RYR2: variants seen among roughly 807,000 people sequenced by gnomAD.
RYR2 encodes the protein ryanodine receptor 2.
A neutral mutation model predicts 601.1 loss-of-function variants in RYR2; 227 were observed. The observed-to-expected ratio is 0.38, with a 90% CI of 0.34 to 0.42. The LOEUF is 0.42. RYR2 is among the 10% of genes least tolerant of loss of function. The pLI is 1.00. For missense variants in RYR2, 4,646 were observed against 6,156.5 expected (o/e 0.75, Z 8.21); for synonymous variants, 2,223 against 2,175.1 (o/e 1.02, Z -0.61).
At chr1:237,476,360 AT>A (rs1461383627) in intron 17 of RYR2, among the ~76,000 whole-genome samples, 1 of 152,062 alleles carries the variant, frequency 6.6e-6, no homozygotes, top group African/African-American at 2.4e-5. Flanking sequence ...AATACAAAAA[AT>A]TAGCCAGGCA....
chr1:237,242,556 A>G (rs900105193), intron 1 of RYR2, among the ~76,000 whole-genome samples: 1 of 152,118 alleles, frequency 6.6e-6, no homozygotes, highest in Non-Finnish European at 1.5e-5. Flanking sequence ...CCTAGGAGAA[A>G]TTAGAGAAGA....
At chr1:237,601,179 G>C (rs1676459464) in intron 34 of RYR2, among the ~76,000 whole-genome samples, 1 of 152,110 alleles carries the variant, frequency 6.6e-6, no homozygotes, top group Non-Finnish European at 1.5e-5. Flanking sequence ...TAGGGAATCA[G>C]CCTAAGTGCC....
intron 25 of RYR2, among the ~76,000 whole-genome samples, chr1:237,532,144 A>G (rs1668195757): frequency 6.6e-6 from 1 of 152,100 alleles, no homozygotes; most frequent in Non-Finnish European, 1.5e-5. Context: ...ATTTTAGTAC[A>G]CAGGTGCTCA....
chr1:237,207,525 C>T (rs1681950953), intron 1 of RYR2, among the ~76,000 whole-genome samples: 1 of 152,214 alleles, frequency 6.6e-6, no homozygotes, highest in African/African-American at 2.4e-5. Flanking sequence ...GAGATCATGC[C>T]ATCACACTCC....
At chr1:237,446,451 A>C (rs1200331160) in intron 14 of RYR2, among the ~76,000 whole-genome samples, 1 of 152,136 alleles carries the variant, frequency 6.6e-6, no homozygotes, top group Non-Finnish European at 1.5e-5. Context: ...GTTTAGAGAT[A>C]TTCATTTCCT....
chr1:237,731,490 T>C (rs1321348933), intron 77 of RYR2, among the ~76,000 whole-genome samples: 1 of 152,184 alleles, frequency 6.6e-6, no homozygotes, highest in African/African-American at 2.4e-5. Flanking sequence ...TTTCACTTTA[T>C]AAGCAATTTG....
chr1:237,613,003 C>T (rs1178441085), intron 36 of RYR2, among the ~76,000 whole-genome samples: 1 of 152,158 alleles, frequency 6.6e-6, no homozygotes, highest in Non-Finnish European at 1.5e-5. Context: ...AAGAGTGACA[C>T]ACAGTCATTT....
Position 237,071,512 on chromosome 1 carries a change from C to A in RYR2, c.48+28943C>A, listed in dbSNP as rs577371897. 3.3e-5 allele frequency among the ~76,000 whole-genome samples: 5 copies of A among 152,156 alleles called. No individual in the cohort carries two copies. The East Asian group carries it at 9.7e-4, about 29-fold the overall frequency. On this transcript the variant is annotated intron_variant, in intron 1 of 104. Transcript: ENST00000366574. Reference sequence around the variant, plus strand: ...GTGCTGGGATTACAGGAATGAGCCACCCTGCCCGGCCGAGTCCAGGGTTTT... The same window carrying A: ...GTGCTGGGATTACAGGAATGAGCCAACCTGCCCGGCCGAGTCCAGGGTTTT...
intron 1 of RYR2, among the ~76,000 whole-genome samples, chr1:237,067,750 A>G (rs944616798): frequency 3.9e-5 from 6 of 152,312 alleles, no homozygotes; most frequent in South Asian, 2.1e-4. Context: ...ATGCGTGAAC[A>G]CTGTAGCAGG....
intron 1 of RYR2, among the ~76,000 whole-genome samples, chr1:237,214,920 C>T (rs1225704310): frequency 6.6e-6 from 1 of 152,082 alleles, no homozygotes; most frequent in Non-Finnish European, 1.5e-5. Context: ...ACGTATATAT[C>T]TAGGAGTTTG....
At chr1:237,611,736 T>A (rs1283207287) in intron 36 of RYR2, among the ~76,000 whole-genome samples, 1 of 152,180 alleles carries the variant, frequency 6.6e-6, no homozygotes, top group African/African-American at 2.4e-5. Context: ...CAAACATATT[T>A]GTATGTTTTA....
At chr1:237,382,915 T>G (rs1244583079) in intron 8 of RYR2, among the ~76,000 whole-genome samples, 1 of 83,218 alleles carries the variant, frequency 1.2e-5, no homozygotes. Context: ...TTTGTTTTTG[T>G]TTTTTTTTTT....
intron 30 of RYR2, among the ~76,000 whole-genome samples, chr1:237,590,436 T>A (rs1221765604): frequency 6.6e-6 from 1 of 152,184 alleles, no homozygotes; most frequent in African/African-American, 2.4e-5. Flanking sequence ...ATAAGATAAA[T>A]TTCCGAAACC....
chr1:237,812,276 T>G (rs1257024515), intron 100 of RYR2, among the ~76,000 whole-genome samples: 1 of 152,150 alleles, frequency 6.6e-6, no homozygotes, highest in South Asian at 2.1e-4. Flanking sequence ...TTAATTTTAG[T>G]GCTATTTTTA....
Position 237,364,349 on chromosome 1 carries a change from C to G in RYR2, c.295-9C>G. Reference sequence around the variant, plus strand: ...TAATGTTTCCTCTCTTTTCCTTATGCCCCTACAGAAATTCATGATGAAGGT... The same window carrying G: ...TAATGTTTCCTCTCTTTTCCTTATGGCCCTACAGAAATTCATGATGAAGGT... On this transcript the variant is annotated splice_polypyrimidine_tract_variant and intron_variant, in intron 4 of 104. Coordinates refer to ENST00000366574, the MANE Select transcript of RYR2 (RefSeq NM_001035.3). 1 of 1,574,062 alleles carries G rather than the reference C, an allele frequency of 6.4e-7. No individual in the cohort carries two copies. The highest frequency in any genetic ancestry group is 8.7e-7 in the Non-Finnish European group (1 of 1,155,636).
At chr1:237,794,080 C>G in intron 95 of RYR2, 83 bp downstream of exon 95, 1 of 1,260,996 alleles carries the variant, frequency 7.9e-7, no homozygotes, top group Non-Finnish European at 1.1e-6. Flanking sequence ...GCAGATTTGT[C>G]AAAAGTTTAG....
At chr1:237,127,429 C>T (rs1671580407) in intron 1 of RYR2, among the ~76,000 whole-genome samples, 1 of 149,420 alleles carries the variant, frequency 6.7e-6, no homozygotes, top group South Asian at 2.1e-4. Flanking sequence ...CCCCCCACCT[C>T]CCTCCCAGAA....
intron 38 of RYR2, among the ~76,000 whole-genome samples, chr1:237,619,027 G>A (rs986203060): frequency 2.0e-5 from 3 of 152,102 alleles, no homozygotes; most frequent in Non-Finnish European, 4.4e-5. Flanking sequence ...CTCCCACCTG[G>A]CAGCAATAAG....
intron 16 of RYR2, among the ~76,000 whole-genome samples, chr1:237,459,317 G>A (rs1398371827): frequency 6.6e-6 from 1 of 152,140 alleles, no homozygotes; most frequent in African/African-American, 2.4e-5. Flanking sequence ...GGATGCATTG[G>A]CTCATGTGTG....
Sources: allele counts gnomAD v4.1 joint callset (sites outside exome capture counted in the v4.1 genomes callset), GRCh38; gene constraint gnomAD v4.1.1; transcripts MANE v1.5; gene names NCBI Gene and HGNC (gene_info 2026-07-23, HGNC 2026-07-21).